RGS6: variants seen among roughly 807,000 people sequenced by gnomAD.
RGS6 encodes regulator of G-protein signaling 6.
In RGS6, 30 loss-of-function variants were observed where a neutral mutation model predicts 78.5. The ratio of observed to expected loss-of-function variants is 0.38; its 90% confidence interval spans 0.29 to 0.52. RGS6 has a LOEUF of 0.52. Ranked by LOEUF, RGS6 falls within the 20% of genes least tolerant of loss-of-function variation. The pLI is 0.85. For synonymous variants in RGS6, 206 were observed against 206.0 expected, an observed-to-expected ratio of 1.00 and a Z score of 0.00; for missense variants, 495 against 609.7, an observed-to-expected ratio of 0.81 and a Z score of 1.98.
intron 2 of RGS6, among the ~76,000 whole-genome samples, chr14:72,160,202 T>A (rs747055531): frequency 6.6e-6 from 1 of 152,236 alleles, no homozygotes; most frequent in East Asian, 1.9e-4. Flanking sequence ...GCCCATGTTA[T>A]GTCTTAAAAC....
At position 71,932,703 on chromosome 14, in the gene RGS6, C is replaced by G. The variant is rs973111382; in HGVS notation, c.-259C>G. 1 of 152,238 alleles carries G rather than the reference C, an allele frequency of 6.6e-6. No individual in the cohort carries two copies. The highest frequency in any genetic ancestry group is 1.5e-5 in the Non-Finnish European group (1 of 68,070). The allele number at this position is 152,238 out of a possible 1,614,324, so 9.4% of individuals were successfully genotyped here. On this transcript the variant is annotated 5_prime_UTR_variant, in exon 1 of 18. Transcript: ENST00000553525. ...GACCCGCCGCGCGTCCTCGCGGGCC[C>G]GGGGCTTCGCTCTTCGCTCGCTGAG... is the stretch of plus-strand genomic sequence containing the variant.
chr14:72,586,367 G>C, the RGS6 span, among the ~76,000 whole-genome samples: 5 of 152,146 alleles, frequency 3.3e-5, no homozygotes, highest in Non-Finnish European at 5.9e-5. Flanking sequence ...AAAACTGGTT[G>C]CTGAAAAATG....
intron 3 of RGS6, among the ~76,000 whole-genome samples, chr14:72,383,512 C>A (rs73291363): frequency 0.011 from 1,638 of 152,182 alleles, 25 homozygotes; most frequent in African/African-American, 0.038. Flanking sequence ...GCAACGTGAT[C>A]CATTCGGCTG....
Position 71,948,273 on chromosome 14 carries a change from G to T in RGS6, c.-21+15332G>T, listed in dbSNP as rs146850798. On this transcript the variant is annotated intron_variant, in intron 1 of 17. Transcript: ENST00000553525. ...ATCTCAGTCTCAGGGAAGGACTTTG[G>T]TCCTGATTAGTCACATGTCTACGAT... Among the ~76,000 whole-genome samples, 227 of 152,220 alleles carry T rather than the reference G, an allele frequency of 1.5e-3. 3 individuals carry two copies. The highest frequency in any genetic ancestry group is 5.2e-3 in the African/African-American group (215 of 41,534).
intron 14 of RGS6, chr14:72,513,904 G>T (rs1567025965): frequency 1.3e-5 from 2 of 152,222 alleles, no homozygotes; most frequent in East Asian, 1.9e-4. Context: ...CACAGTGTCG[G>T]CTGAAGGGAG....
intron 3 of RGS6, among the ~76,000 whole-genome samples, chr14:72,423,062 G>A (rs2094270786): frequency 6.6e-6 from 1 of 152,222 alleles, no homozygotes; most frequent in Admixed American, 6.5e-5. Context: ...CCTGACAGGT[G>A]GCCACACGGC....
intron 2 of RGS6, among the ~76,000 whole-genome samples, chr14:71,971,890 G>C (rs1300417366): frequency 2.1e-5 from 3 of 141,362 alleles, no homozygotes; most frequent in African/African-American, 8.0e-5. Context: ...CCATATCGCA[G>C]CTCATAATAT....
the RGS6 span, among the ~76,000 whole-genome samples, chr14:71,891,620 G>A: frequency 3.3e-5 from 5 of 152,314 alleles, no homozygotes; most frequent in African/African-American, 1.2e-4. Flanking sequence ...ACCCTCAAGG[G>A]GAGGAGGGAG....
chr14:72,341,191 CA>C (rs145894127), intron 2 of RGS6, among the ~76,000 whole-genome samples: 70,439 of 151,718 alleles, frequency 0.46, 16,649 homozygotes, highest in South Asian at 0.59. Context: ...AGGAAACTTA[CA>C]GTCATAGTGG....
chr14:72,499,352 C>T (rs1242448038), intron 13 of RGS6, among the ~76,000 whole-genome samples: 1 of 152,282 alleles, frequency 6.6e-6, no homozygotes, highest in East Asian at 1.9e-4. Context: ...ACTTAGCAAA[C>T]CCTTTTGGCC....
intron 3 of RGS6, among the ~76,000 whole-genome samples, chr14:72,381,287 A>T (rs1437183832): frequency 2.0e-5 from 3 of 152,118 alleles, no homozygotes; most frequent in African/African-American, 4.8e-5. Flanking sequence ...AAATAGCTAG[A>T]TGGAGAATAT....
At chr14:72,037,107 A>G (rs1222260647) in intron 2 of RGS6, among the ~76,000 whole-genome samples, 1 of 152,158 alleles carries the variant, frequency 6.6e-6, no homozygotes, top group Non-Finnish European at 1.5e-5. Flanking sequence ...ACTAATCAGC[A>G]CTCTGTAAAA....
chr14:72,556,721 A>C (rs2097582792), intron 17 of RGS6, among the ~76,000 whole-genome samples: 1 of 151,708 alleles, frequency 6.6e-6, no homozygotes. Flanking sequence ...AAGAAAAAAA[A>C]ATCCATTACG....
At chr14:72,498,087 C>T (rs2096668657) in intron 13 of RGS6, among the ~76,000 whole-genome samples, 1 of 151,974 alleles carries the variant, frequency 6.6e-6, no homozygotes, top group African/African-American at 2.4e-5. Context: ...TTTTCTTTTC[C>T]CACTGAGTGT....
At chr14:72,098,330 G>T (rs927613985) in intron 2 of RGS6, among the ~76,000 whole-genome samples, 2 of 152,222 alleles carry the variant, frequency 1.3e-5, no homozygotes, top group Non-Finnish European at 2.9e-5. Context: ...ATAGGCTCCT[G>T]TCCTTGCTTT....
chr14:72,372,897 A>G (rs1463052280), intron 3 of RGS6, among the ~76,000 whole-genome samples: 1 of 152,226 alleles, frequency 6.6e-6, no homozygotes, highest in African/African-American at 2.4e-5. Flanking sequence ...ATGTATATGA[A>G]CTGAGACTCT....
the RGS6 span, among the ~76,000 whole-genome samples, chr14:71,914,731 G>A: frequency 6.6e-6 from 1 of 151,746 alleles, no homozygotes; most frequent in African/African-American, 2.4e-5. Flanking sequence ...AAAACACTGT[G>A]GTACCAACTT....
At chr14:72,433,831 G>T (rs1264507462) in intron 3 of RGS6, among the ~76,000 whole-genome samples, 12 of 152,186 alleles carry the variant, frequency 7.9e-5, no homozygotes, top group East Asian at 1.9e-4. Flanking sequence ...ATCTGAAAAG[G>T]GGGGGATGAT....
rs576088354 is a variant in RGS6 at position 72,548,032 on chromosome 14, G to T, written c.1422+7938G>T. On this transcript the variant is annotated intron_variant, in intron 17 of 17. Coordinates refer to ENST00000553525, the MANE Select transcript of RGS6 (RefSeq NM_001204424.2). Reference sequence around the variant, plus strand: ...CCTGCTCACCTCCACGTCCCTGTTTGCCCCTTTGTAGGTGAAGTGAGTATA... The same window carrying T: ...CCTGCTCACCTCCACGTCCCTGTTTTCCCCTTTGTAGGTGAAGTGAGTATA... 8.5e-5 allele frequency among the ~76,000 whole-genome samples: 13 copies of T among 152,262 alleles called. No homozygotes were observed. The South Asian group carries it at 2.5e-3, about 29-fold the overall frequency.
Sources: gnomAD v4.1 joint callset for allele counts (sites outside exome capture counted in the v4.1 genomes callset) on GRCh38, gnomAD v4.1.1 for gene constraint, MANE v1.5 for transcripts, NCBI Gene and HGNC (gene_info 2026-07-23, HGNC 2026-07-21) for gene names.